The following TNRC6A variants were observed in gnomAD, a reference collection of about 807,000 sequenced individuals.
TNRC6A encodes the protein trinucleotide repeat containing adaptor 6A, also known as trinucleotide repeat-containing gene 6A protein.
In TNRC6A, 44 loss-of-function variants were observed where a neutral mutation model predicts 221.2. That is an observed-to-expected ratio of 0.20 (90% confidence interval 0.16 to 0.26). The LOEUF (loss-of-function observed/expected upper bound fraction) is 0.26. Among genes scored for constraint, TNRC6A ranks in the 10% least tolerant of loss-of-function variants. TNRC6A has a pLI of 1.00. For missense variants in TNRC6A, 2,199 were observed against 2,404.4 expected, an observed-to-expected ratio of 0.91 and a Z score of 1.79; for synonymous variants, 847 against 838.5, an observed-to-expected ratio of 1.01 and a Z score of -0.18.
At chr16:24,812,699 A>G (rs2058571344) in intron 18 of TNRC6A, among the ~76,000 whole-genome samples, 1 of 152,096 alleles carries the variant, frequency 6.6e-6, no homozygotes, top group Admixed American at 6.5e-5. Context: ...AGTGGGCTCT[A>G]CCATCTAGGT....
upstream of TNRC6A, among the ~76,000 whole-genome samples, chr16:24,727,647 G>T (rs976759077): frequency 1.3e-5 from 2 of 152,162 alleles, no homozygotes; most frequent in African/African-American, 2.4e-5. Context: ...TAACAGCTGT[G>T]CAAATGTTGA....
upstream of TNRC6A, among the ~76,000 whole-genome samples, chr16:24,728,175 G>C (rs535056407): frequency 6.6e-6 from 1 of 152,294 alleles, no homozygotes; most frequent in South Asian, 2.1e-4. Flanking sequence ...GAAGCTGGGC[G>C]CGGTGGCTCA....
At chr16:24,734,525 A>G (rs2056718480) in intron 2 of TNRC6A, among the ~76,000 whole-genome samples, 1 of 152,170 alleles carries the variant, frequency 6.6e-6, no homozygotes, top group African/African-American at 2.4e-5. Context: ...TTAGATAGAG[A>G]TCAGCCAGCA....
At chr16:24,660,240 TC>T (rs1432264012) in intron 2 of TNRC6A, among the ~76,000 whole-genome samples, 5 of 151,980 alleles carry the variant, frequency 3.3e-5, no homozygotes, top group Admixed American at 6.6e-5. Flanking sequence ...TCCTACCCTG[TC>T]CCCCTGAGTC....
At chr16:24,710,733 T>A (rs560770814) in intron 2 of TNRC6A, among the ~76,000 whole-genome samples, 12 of 152,220 alleles carry the variant, frequency 7.9e-5, no homozygotes, top group Admixed American at 7.2e-4. Flanking sequence ...AAACTTTTTT[T>A]TTTTTTGAGA....
At chr16:24,622,973 C>G (rs1900754024) in intron 1 of TNRC6A, among the ~76,000 whole-genome samples, 1 of 152,122 alleles carries the variant, frequency 6.6e-6, no homozygotes, top group Non-Finnish European at 1.5e-5. Context: ...AACCAAAATA[C>G]AAAAGCAATT....
intron 2 of TNRC6A, among the ~76,000 whole-genome samples, chr16:24,641,777 C>T (rs948574746): frequency 3.3e-5 from 5 of 152,006 alleles, no homozygotes; most frequent in Non-Finnish European, 7.4e-5. Flanking sequence ...TTCATTCATT[C>T]GATGATTTTT....
At chr16:24,679,448 C>T (rs1054646098) in intron 2 of TNRC6A, among the ~76,000 whole-genome samples, 1 of 151,948 alleles carries the variant, frequency 6.6e-6, no homozygotes, top group Non-Finnish European at 1.5e-5. Context: ...AGACTACAGG[C>T]ACATACCACC....
intron 1 of TNRC6A, among the ~76,000 whole-genome samples, chr16:24,624,588 C>A (rs1369633676): frequency 1.3e-5 from 2 of 152,164 alleles, no homozygotes; most frequent in African/African-American, 4.8e-5. Context: ...AAGTGATCCT[C>A]CCACCTCAGC....
intron 2 of TNRC6A, among the ~76,000 whole-genome samples, chr16:24,730,544 A>T (rs2056609178): frequency 6.6e-6 from 1 of 151,888 alleles, no homozygotes; most frequent in African/African-American, 2.4e-5. Flanking sequence ...ACTTAGTTAA[A>T]GCATTCTCAC....
In TNRC6A at chr16:24,797,908, T is replaced by A. The variant is rs1404210025; in HGVS notation, c.3643-7T>A. Reference sequence around the variant, plus strand: ...GTCTGCTAACATGCTGCATTTTCTTTCTTCAGAGAGACTCACCAGAGGAAA... The same window carrying A: ...GTCTGCTAACATGCTGCATTTTCTTACTTCAGAGAGACTCACCAGAGGAAA... On this transcript the variant is annotated splice_polypyrimidine_tract_variant and splice_region_variant and intron_variant, in intron 10 of 24. Coordinates refer to ENST00000395799, the MANE Select transcript of TNRC6A (RefSeq NM_014494.4). The A allele has an allele frequency of 6.2e-7, 1 of 1,602,752 alleles. No homozygotes were observed. Among genetic ancestry groups the A allele is most frequent in the Non-Finnish European group, 8.5e-7 (1 of 1,174,588 alleles).
intron 1 of TNRC6A, among the ~76,000 whole-genome samples, chr16:24,638,025 T>C (rs931677285): frequency 6.6e-6 from 1 of 152,062 alleles, no homozygotes; most frequent in African/African-American, 2.4e-5. Flanking sequence ...CCTCAAGTGA[T>C]CCACCCGCCT....
intron 2 of TNRC6A, among the ~76,000 whole-genome samples, chr16:24,702,654 T>C (rs2056009534): frequency 6.6e-6 from 1 of 152,118 alleles, no homozygotes; most frequent in Admixed American, 6.6e-5. Flanking sequence ...TGACACCTCT[T>C]GAAACCAGGG....
chr16:24,725,736 G>A (rs2056480097), upstream of TNRC6A, among the ~76,000 whole-genome samples: 2 of 151,874 alleles, frequency 1.3e-5, no homozygotes, highest in South Asian at 2.1e-4. Flanking sequence ...AGGCACGGTG[G>A]CTCATGCCTA....
chr16:24,629,435 T>A (rs1901216429), intron 1 of TNRC6A, among the ~76,000 whole-genome samples: 1 of 152,202 alleles, frequency 6.6e-6, no homozygotes, highest in Non-Finnish European at 1.5e-5. Flanking sequence ...ATAAATCAAA[T>A]TCTCTTAAAT....
chr16:24,671,332 G>A (rs2055297175), intron 2 of TNRC6A, among the ~76,000 whole-genome samples: 2 of 152,208 alleles, frequency 1.3e-5, no homozygotes, highest in African/African-American at 4.8e-5. Flanking sequence ...AGAGGGAACT[G>A]AGCAGGAGGG....
At chr16:24,747,042 G>A (rs551945634) in intron 2 of TNRC6A, among the ~76,000 whole-genome samples, 5 of 149,310 alleles carry the variant, frequency 3.3e-5, no homozygotes, top group South Asian at 4.4e-4. Flanking sequence ...TGGAAGATAC[G>A]GGCAAAATTT....
At chr16:24,711,858 A>G (rs1402491430) in intron 2 of TNRC6A, among the ~76,000 whole-genome samples, 1 of 151,960 alleles carries the variant, frequency 6.6e-6, no homozygotes, top group Non-Finnish European at 1.5e-5. Context: ...ATGGAATCAC[A>G]CTATGTTGCC....
chr16:24,767,749 T>A (rs1026235640), intron 4 of TNRC6A, among the ~76,000 whole-genome samples: 14 of 152,266 alleles, frequency 9.2e-5, no homozygotes, highest in African/African-American at 3.4e-4. Context: ...TCTGTATTTC[T>A]TAACTAATTT....
Sources: gnomAD v4.1 joint callset for allele counts (sites outside exome capture counted in the v4.1 genomes callset) on GRCh38, gnomAD v4.1.1 for gene constraint, MANE v1.5 for transcripts, NCBI Gene and HGNC (gene_info 2026-07-23, HGNC 2026-07-21) for gene names.